CNTN4: variants seen among roughly 807,000 people sequenced by gnomAD.
The protein encoded by CNTN4 is contactin 4, also known as contactin-4.
A neutral mutation model predicts 122.5 loss-of-function variants in CNTN4; 77 were observed. The ratio of observed to expected loss-of-function variants is 0.63; its 90% CI spans 0.52 to 0.76. The LOEUF is 0.76. CNTN4 is among the 30% of genes least tolerant of loss of function. The pLI is 0.00. For missense variants in CNTN4, 1,256 were observed against 1,259.1 expected (o/e 1.00, Z 0.04); for synonymous variants, 512 against 447.0 (o/e 1.15, Z -1.83).
chr3:2,557,078 C>A (rs144516420), intron 3 of CNTN4, among the ~76,000 whole-genome samples: 2 of 152,152 alleles, frequency 1.3e-5, no homozygotes, highest in African/African-American at 2.4e-5. Flanking sequence ...TCTGAAATAG[C>A]GTCAGTCTCA....
At chr3:2,224,428 G>C (rs1242501023) in intron 2 of CNTN4, among the ~76,000 whole-genome samples, 2 of 152,188 alleles carry the variant, frequency 1.3e-5, no homozygotes, top group African/African-American at 4.8e-5. Context: ...TAGTCTGTGA[G>C]ACCACCTCAT....
At chr3:2,727,114 T>G (rs2088284097) in intron 4 of CNTN4, among the ~76,000 whole-genome samples, 1 of 152,192 alleles carries the variant, frequency 6.6e-6, no homozygotes, top group Non-Finnish European at 1.5e-5. Context: ...CCATGTAATA[T>G]TGGAATTGGA....
At chr3:2,901,973 G>A (rs1053792837) in intron 11 of CNTN4, among the ~76,000 whole-genome samples, 4 of 152,144 alleles carry the variant, frequency 2.6e-5, no homozygotes, top group African/African-American at 9.7e-5. Flanking sequence ...TAAGTTTCAA[G>A]TTTTAAAACT....
intron 2 of CNTN4, among the ~76,000 whole-genome samples, chr3:2,117,484 AT>A (rs2033436289): frequency 6.6e-6 from 1 of 152,158 alleles, no homozygotes; most frequent in African/African-American, 2.4e-5. Context: ...AGTATTGGCC[AT>A]TGGTGATCAA....
intron 3 of CNTN4, among the ~76,000 whole-genome samples, chr3:2,366,063 C>T (rs2045364230): frequency 6.6e-6 from 1 of 152,138 alleles, no homozygotes; most frequent in Admixed American, 6.6e-5. Context: ...AACATGGCAA[C>T]TCCATAATGA....
intron 3 of CNTN4, among the ~76,000 whole-genome samples, chr3:2,493,319 G>A (rs1287167971): frequency 1.3e-5 from 2 of 152,050 alleles, no homozygotes; most frequent in East Asian, 3.9e-4. Flanking sequence ...CTGGACATTG[G>A]AAGAGTTTAC....
intron 3 of CNTN4, among the ~76,000 whole-genome samples, chr3:2,432,560 G>A (rs2048112290): frequency 6.6e-6 from 1 of 151,940 alleles, no homozygotes; most frequent in East Asian, 1.9e-4. Flanking sequence ...CCTTTTTAAA[G>A]CCAAATAGTA....
chr3:2,664,428 GT>G (rs1181763644), intron 4 of CNTN4, among the ~76,000 whole-genome samples: 1 of 151,742 alleles, frequency 6.6e-6, no homozygotes, highest in African/African-American at 2.4e-5. Context: ...TTTTCCTTAA[GT>G]AAGTCTAGAT....
At chr3:2,530,892 A>G (rs1212126485) in intron 3 of CNTN4, among the ~76,000 whole-genome samples, 2 of 152,162 alleles carry the variant, frequency 1.3e-5, no homozygotes, top group Non-Finnish European at 2.9e-5. Flanking sequence ...GAGGACATAA[A>G]CCACTGTTAT....
At position 2,842,839 on chromosome 3, in the gene CNTN4, C is replaced by CT. The variant is rs202028524; in HGVS notation, c.454+23267dup. Reference sequence around the variant, plus strand: ...CTTTAAATCCCTGGATTTCCATTTTCTTTTTTTTTCCATTTTTTTCTTTTC... The same window carrying CT: ...CTTTAAATCCCTGGATTTCCATTTTCTTTTTTTTTTCCATTTTTTTCTTTTC... On this transcript the variant is annotated intron_variant, in intron 7 of 24. Coordinates refer to ENST00000418658, the MANE Select transcript of CNTN4 (RefSeq NM_175607.3). 6.0e-4 allele frequency among the ~76,000 whole-genome samples: 90 copies of CT among 151,204 alleles called. No individual in the cohort carries two copies. The East Asian group carries it at 9.1e-3, about 15-fold the overall frequency.
intron 2 of CNTN4, among the ~76,000 whole-genome samples, chr3:2,111,723 A>G (rs1005981805): frequency 2.0e-5 from 3 of 152,092 alleles, no homozygotes; most frequent in African/African-American, 7.2e-5. Flanking sequence ...TCTCTTGTAT[A>G]TAATGGAGGA....
intron 2 of CNTN4, among the ~76,000 whole-genome samples, chr3:2,104,243 TGTGTGTGTGTGTGC>T (rs1225293827): frequency 1.4e-5 from 2 of 140,434 alleles, no homozygotes; most frequent in South Asian, 2.3e-4. Context: ...TGTGTGTGTG[TGTGTGTGTGTGTGC>T]GTTTCAAGTC....
At chr3:2,551,386 A>G (rs2728052) in intron 3 of CNTN4, among the ~76,000 whole-genome samples, 80,336 of 151,806 alleles carry the variant, frequency 0.53, 21,997 homozygotes, top group Non-Finnish European at 0.59. Flanking sequence ...ACTTGAGTGT[A>G]TGTAGGCCTA....
chr3:2,407,714 A>C (rs1199294715), intron 3 of CNTN4, among the ~76,000 whole-genome samples: 1 of 152,182 alleles, frequency 6.6e-6, no homozygotes, highest in South Asian at 2.1e-4. Flanking sequence ...AAATGCGTCA[A>C]AATGTCGTAT....
intron 4 of CNTN4, among the ~76,000 whole-genome samples, chr3:2,655,044 A>AT (rs771225927): frequency 2.0e-5 from 3 of 152,244 alleles, no homozygotes; most frequent in African/African-American, 2.4e-5. Flanking sequence ...TTATGAGGAA[A>AT]TTTTTTGTCT....
At chr3:3,042,945 G>T (rs370753159) in intron 21 of CNTN4, 32 bp from the exon 22 acceptor site, 5 of 1,576,722 alleles carry the variant, frequency 3.2e-6, no homozygotes, top group African/African-American at 2.7e-5. Flanking sequence ...CATTGGGTAT[G>T]GTTTCCAAGG....
intron 13 of CNTN4, among the ~76,000 whole-genome samples, chr3:2,939,516 G>T (rs1474161151): frequency 6.6e-6 from 1 of 152,096 alleles, no homozygotes; most frequent in Non-Finnish European, 1.5e-5. Context: ...AAATTTAAAA[G>T]AAAACAAATA....
At chr3:2,761,574 T>G (rs1321893751) in intron 6 of CNTN4, among the ~76,000 whole-genome samples, 1 of 152,126 alleles carries the variant, frequency 6.6e-6, no homozygotes, top group Non-Finnish European at 1.5e-5. Context: ...GTATTTATTA[T>G]GCTATATGAT....
At chr3:2,387,036 C>G (rs1291350362) in intron 3 of CNTN4, among the ~76,000 whole-genome samples, 2 of 152,212 alleles carry the variant, frequency 1.3e-5, no homozygotes, top group East Asian at 1.9e-4. Flanking sequence ...TTTGAACTTG[C>G]TAACCATAAG....
Sources: gnomAD v4.1 joint callset for allele counts (sites outside exome capture counted in the v4.1 genomes callset) on GRCh38, gnomAD v4.1.1 for gene constraint, MANE v1.5 for transcripts, NCBI Gene and HGNC (gene_info 2026-07-23, HGNC 2026-07-21) for gene names.